The following RBM6 variants were observed in gnomAD, a reference collection of about 807,000 sequenced individuals.
RBM6 encodes the protein RNA binding motif protein 6.
Under a neutral mutation model 140.4 loss-of-function variants are expected in RBM6, and 23 were observed. The ratio of observed to expected loss-of-function variants is 0.16; its 90% CI spans 0.12 to 0.23. RBM6 has a LOEUF of 0.23. Ranked by LOEUF, RBM6 falls within the 10% of genes least tolerant of loss-of-function variation. RBM6 has a pLI of 1.00. For missense variants in RBM6, 1,139 were observed against 1,386.7 expected, an observed-to-expected ratio of 0.82 and a Z score of 2.84; for synonymous variants, 439 against 475.6, an observed-to-expected ratio of 0.92 and a Z score of 1.00.
At chr3:49,955,555 A>G (rs1424418715) in intron 1 of RBM6, among the ~76,000 whole-genome samples, 1 of 151,986 alleles carries the variant, frequency 6.6e-6, no homozygotes, top group Non-Finnish European at 1.5e-5. Flanking sequence ...TAAAAAATGT[A>G]TCCTAGGCTG....
chr3:49,951,557 A>ATTAT (rs764604179), intron 1 of RBM6, among the ~76,000 whole-genome samples: 207 of 150,348 alleles, frequency 1.4e-3, no homozygotes, highest in South Asian at 3.3e-3. Flanking sequence ...TATTTTATTT[A>ATTAT]TTATTTATTT....
intron 8 of RBM6, among the ~76,000 whole-genome samples, chr3:50,055,946 G>A (rs2089678651): frequency 6.6e-6 from 1 of 152,160 alleles, no homozygotes; most frequent in South Asian, 2.1e-4. Flanking sequence ...CATCCCTTAA[G>A]GAAAGCCACA....
chr3:50,057,582 C>T (rs1358313756), intron 8 of RBM6, 146 bp from the exon 9 acceptor site: 18 of 715,982 alleles, frequency 2.5e-5, no homozygotes, highest in African/African-American at 5.6e-5. Context: ...AGCAAAACTC[C>T]GTCTCAAAAA....
intron 1 of RBM6, 140 bp from the exon 2 acceptor site, chr3:49,962,436 A>G (rs2084326122): frequency 5.4e-6 from 3 of 550,914 alleles, no homozygotes; most frequent in Non-Finnish European, 9.4e-6. Flanking sequence ...CATCTCAAAA[A>G]AAAAAAAGAA....
chr3:50,064,223 G>A (rs1315019552), intron 15 of RBM6, among the ~76,000 whole-genome samples: 4 of 152,022 alleles, frequency 2.6e-5, no homozygotes, highest in African/African-American at 7.2e-5. Flanking sequence ...GAGCCACTGC[G>A]CCCAGCCTTT....
rs569467741 is a variant in RBM6, at chr3:50,076,379, G to A, written c.3247-629G>A. Among the ~76,000 whole-genome samples, 12 of 150,176 alleles carry A rather than the reference G, an allele frequency of 8.0e-5. No individual in the cohort carries two copies. The South Asian group carries it at 2.4e-3, about 30-fold the overall frequency. ...GGGTGGATCACAAGGTCAGGAGTTC[G>A]AGACCAGCCTGACCAATATGATGAA... On this transcript the variant is annotated intron_variant, in intron 20 of 20. Transcript: ENST00000266022.
At chr3:49,984,212 A>C (rs1352164450) in intron 5 of RBM6, among the ~76,000 whole-genome samples, 1 of 152,142 alleles carries the variant, frequency 6.6e-6, no homozygotes, top group African/African-American at 2.4e-5. Context: ...CAGGAAGATC[A>C]CTTGAGCTAG....
chr3:50,027,886 CA>C (rs545399370), intron 6 of RBM6, among the ~76,000 whole-genome samples: 1 of 152,114 alleles, frequency 6.6e-6, no homozygotes, highest in Non-Finnish European at 1.5e-5. Context: ...AGCTTTTTAC[CA>C]GCTATCCCCA....
intron 5 of RBM6, among the ~76,000 whole-genome samples, chr3:49,976,321 A>G (rs2085062349): frequency 6.6e-6 from 1 of 152,216 alleles, no homozygotes; most frequent in African/African-American, 2.4e-5. Context: ...GCAGAGGAAA[A>G]TTATCCACAA....
rs139056065 is a variant in RBM6, at chr3:50,057,670, CTTTTTTTTT to C, written c.1694-51_1694-43del. 3.2e-6 allele frequency: 4 copies of C among 1,239,838 alleles called. No individual in the cohort carries two copies. The East Asian group carries it at 1.0e-4, about 32-fold the overall frequency. The allele number at this position is 1,239,838 out of a possible 1,614,324, so 76.8% of individuals were successfully genotyped here. A position where few individuals can be genotyped will look rare whatever the true frequency, so the allele number is the denominator to read the frequency against. On this transcript the variant is annotated intron_variant, in intron 8 of 20. Coordinates refer to ENST00000266022, the MANE Select transcript of RBM6 (RefSeq NM_005777.3). ...AGAAATTACAGTAGCAGTGTTTTTT[CTTTTTTTTT>C]TTTTTTGATAAAGCTTTCTAGAGAT...
rs577023149 is a variant in RBM6 at position 50,023,593 on chromosome 3, G to A, written c.1557+24080G>A. 7.9e-5 allele frequency among the ~76,000 whole-genome samples: 12 copies of A among 151,688 alleles called. No homozygotes were observed. In the South Asian group the frequency reaches 2.3e-3, roughly 29 times the overall value. Reference sequence around the variant, plus strand: ...GTAGAATACCGTGTTTTAAAAGGAGGTGAATTTAATAATTGCTGTGATTAC... The same window carrying A: ...GTAGAATACCGTGTTTTAAAAGGAGATGAATTTAATAATTGCTGTGATTAC... On this transcript the variant is annotated intron_variant, in intron 6 of 20. Transcript: ENST00000266022.
intron 18 of RBM6, 29 bp from the exon 19 acceptor site, chr3:50,070,426 C>T: frequency 6.5e-7 from 1 of 1,538,390 alleles, no homozygotes; most frequent in Non-Finnish European, 9.0e-7. Flanking sequence ...AGGTGGCAAT[C>T]TCAGGTCTGC....
intron 19 of RBM6, among the ~76,000 whole-genome samples, chr3:50,071,698 G>A (rs987111547): frequency 3.9e-5 from 6 of 152,184 alleles, no homozygotes; most frequent in Non-Finnish European, 7.3e-5. Context: ...GCCAGTCTTT[G>A]TGATCACCTG....
intron 19 of RBM6, among the ~76,000 whole-genome samples, chr3:50,072,360 A>G (rs1388285299): frequency 1.3e-5 from 2 of 151,668 alleles, no homozygotes; most frequent in Non-Finnish European, 2.9e-5. Context: ...CAGTGAGCCA[A>G]GATTGCACCA....
At chr3:50,059,813 C>T in intron 11 of RBM6, 67 bp downstream of exon 11, 1 of 1,273,414 alleles carries the variant, frequency 7.9e-7, no homozygotes, top group Non-Finnish European at 1.1e-6. Context: ...AACTCCTTTT[C>T]CTGGCTGGAA....
intron 6 of RBM6, among the ~76,000 whole-genome samples, chr3:50,006,144 CTTT>C (rs1169238410): frequency 8.9e-6 from 1 of 112,830 alleles, no homozygotes. Context: ...CTGATTGAGA[CTTT>C]TTTTTTTTTT....
chr3:50,037,785 T>C (rs919124843), intron 6 of RBM6, among the ~76,000 whole-genome samples: 1 of 151,614 alleles, frequency 6.6e-6, no homozygotes, highest in Non-Finnish European at 1.5e-5. Context: ...ATTATAGACA[T>C]GAGCCACCAT....
chr3:50,013,246 T>C (rs757458569), intron 6 of RBM6, among the ~76,000 whole-genome samples: 8 of 152,138 alleles, frequency 5.3e-5, no homozygotes, highest in Non-Finnish European at 1.0e-4. Context: ...GATTGGGATT[T>C]ACTTTGTCGG....
At chr3:49,994,866 G>A (rs1449674071) in intron 5 of RBM6, among the ~76,000 whole-genome samples, 1 of 152,116 alleles carries the variant, frequency 6.6e-6, no homozygotes, top group East Asian at 1.9e-4. Context: ...CTCTCTTGAT[G>A]GGAAATTCAG....
Sources: allele counts gnomAD v4.1 joint callset (sites outside exome capture counted in the v4.1 genomes callset), GRCh38; gene constraint gnomAD v4.1.1; transcripts MANE v1.5; gene names NCBI Gene and HGNC (gene_info 2026-07-23, HGNC 2026-07-21).